The following MYO5B variants were observed in gnomAD, a reference collection of about 807,000 sequenced individuals.
The protein encoded by MYO5B is myosin VB, also known as unconventional myosin-Vb.
A neutral mutation model predicts 229.3 loss-of-function variants in MYO5B; 143 were observed. That is an observed-to-expected ratio of 0.62 (90% CI 0.54 to 0.72). MYO5B has a LOEUF of 0.72. MYO5B is among the 30% of genes least tolerant of loss of function. The probability of loss-of-function intolerance (pLI) is 0.00; values close to 1 mark genes in which losing one functional copy is unlikely to be tolerated. For synonymous variants in MYO5B, 918 were observed against 885.2 expected, an observed-to-expected ratio of 1.04 and a Z score of -0.66; for missense variants, 2,321 against 2,331.0, an observed-to-expected ratio of 1.00 and a Z score of 0.09.
At chr18:50,087,324 C>A (rs2031350878) in intron 1 of MYO5B, among the ~76,000 whole-genome samples, 1 of 152,172 alleles carries the variant, frequency 6.6e-6, no homozygotes. Flanking sequence ...GTAATCCCAG[C>A]ATTTTGGGAG....
chr18:49,870,988 G>T (rs1568618949), intron 27 of MYO5B, among the ~76,000 whole-genome samples: 1 of 152,304 alleles, frequency 6.6e-6, no homozygotes, highest in East Asian at 1.9e-4. Context: ...AGAGATACTT[G>T]TATATCCATG....
chr18:49,977,209 C>T (rs4939924), intron 9 of MYO5B, among the ~76,000 whole-genome samples: 81,254 of 151,970 alleles, frequency 0.53, 24,278 homozygotes, highest in Non-Finnish European at 0.67. Context: ...GATTTAACAT[C>T]GTACAATTAC....
At position 50,047,341 on chromosome 18, in the gene MYO5B, G is replaced by A. The variant is rs188151849; in HGVS notation, c.139-7027C>T. On this transcript the variant is annotated intron_variant, in intron 2 of 39. Coordinates refer to ENST00000285039, the MANE Select transcript of MYO5B (RefSeq NM_001080467.3). ...GCAACCAAAAAACACATGAAAAGATGCTCACCATCACTGGCCATCAGAGAA... is the reference window on the plus strand; with the variant it reads ...GCAACCAAAAAACACATGAAAAGATACTCACCATCACTGGCCATCAGAGAA... 9.5e-4 allele frequency among the ~76,000 whole-genome samples: 145 copies of A among 152,342 alleles called. 1 individual carries two copies. The Middle Eastern group carries it at 0.014, about 14-fold the overall frequency.
intron 1 of MYO5B, among the ~76,000 whole-genome samples, chr18:50,074,186 A>C (rs1290114760): frequency 6.6e-6 from 1 of 152,216 alleles, no homozygotes; most frequent in Non-Finnish European, 1.5e-5. Flanking sequence ...AAGCAAAAGC[A>C]GAAAACCTTG....
At chr18:49,919,094 A>C (rs2025048059) in intron 17 of MYO5B, among the ~76,000 whole-genome samples, 1 of 152,238 alleles carries the variant, frequency 6.6e-6, no homozygotes, top group South Asian at 2.1e-4. Context: ...GCCTTCCTCA[A>C]TGGTCAATGT....
intron 12 of MYO5B, 96 bp from the exon 13 acceptor site, chr18:49,954,531 G>A (rs1283854978): frequency 1.3e-6 from 2 of 1,504,302 alleles, no homozygotes; most frequent in African/African-American, 1.4e-5. Context: ...CTGGCTCTGT[G>A]AAGGTTGATT....
chr18:50,183,323 ATATATATATATATATC>A (rs950322396), intron 1 of MYO5B, among the ~76,000 whole-genome samples: 9 of 138,830 alleles, frequency 6.5e-5, no homozygotes, highest in Non-Finnish European at 9.2e-5. Context: ...ATATATATAT[ATATATATATATATATC>A]TCCTTCAATA....
chr18:50,033,625 G>C (rs2026414988), intron 4 of MYO5B, among the ~76,000 whole-genome samples: 1 of 152,148 alleles, frequency 6.6e-6, no homozygotes, highest in Non-Finnish European at 1.5e-5. Context: ...AAAAATGAGT[G>C]AGTGGGCCTT....
chr18:49,936,350 C>A lies in MYO5B; in HGVS notation c.1906-1G>T. On this transcript the variant is annotated splice_acceptor_variant, in intron 15 of 39. Coordinates refer to ENST00000285039, the MANE Select transcript of MYO5B (RefSeq NM_001080467.3). LOFTEE classifies it high-confidence loss of function. The stretch of plus-strand genomic sequence containing the variant: ...TGAGCAGATGCAGGGAGGTACGGAA[C>A]TAGAGAGACAAAAGCCAGTGCTTGG... 2 of 1,587,360 alleles carry A rather than the reference C, an allele frequency of 1.3e-6. No individual in the cohort carries two copies. The highest frequency in any genetic ancestry group is 1.7e-6 in the Non-Finnish European group (2 of 1,164,398).
intron 27 of MYO5B, among the ~76,000 whole-genome samples, chr18:49,869,975 T>C (rs575496009): frequency 1.3e-5 from 2 of 152,330 alleles, no homozygotes; most frequent in South Asian, 2.1e-4. Context: ...ATAGTTCACA[T>C]GCTCATTTTC....
At position 49,826,443 on chromosome 18, in the gene MYO5B, A is replaced by T. The variant is rs2023846868; in HGVS notation, c.*28T>A. On this transcript the variant is annotated 3_prime_UTR_variant, in exon 40 of 40. Transcript: ENST00000285039. ...TACTTCCTTCTTGCTCACATTGGGA[A>T]TCAAACTAATGCTGGAAACATGCAT... 1 of 1,612,968 alleles carries T rather than the reference A, an allele frequency of 6.2e-7. No individual in the cohort carries two copies. The highest frequency in any genetic ancestry group is 1.3e-5 in the African/African-American group (1 of 74,908).
In MYO5B at chr18:49,974,576, CT is replaced by C; in HGVS notation, c.1095del (p.Val367TrpfsTer31). The C allele has an allele frequency of 6.2e-7, 1 of 1,614,134 alleles. No homozygotes were observed. The highest frequency in any genetic ancestry group is 8.5e-7 in the Non-Finnish European group (1 of 1,179,988). ...TGCTCCATCTGACTGTGCTCCACCC[CT>C]AGCAGTCGGCAGAAGTTGCTTAGGT... is the stretch of plus-strand genomic sequence containing the variant. ...DVYLSNFCRL[L>X]GVEHSQMEHW... On this transcript the variant is annotated frameshift_variant, in exon 10 of 40. Coordinates refer to ENST00000285039, the MANE Select transcript of MYO5B (RefSeq NM_001080467.3). LOFTEE classifies it high-confidence loss of function.
chr18:50,039,912 G>C (rs2029959435), intron 3 of MYO5B, among the ~76,000 whole-genome samples: 1 of 152,116 alleles, frequency 6.6e-6, no homozygotes, highest in African/African-American at 2.4e-5. Context: ...GCACCACATG[G>C]TGTGACCCAT....
At chr18:50,081,275 C>T (rs1420572365) in intron 1 of MYO5B, among the ~76,000 whole-genome samples, 1 of 152,190 alleles carries the variant, frequency 6.6e-6, no homozygotes, top group African/African-American at 2.4e-5. Context: ...CAAAGATGAC[C>T]TGTTCCCAGA....
intron 21 of MYO5B, among the ~76,000 whole-genome samples, chr18:49,901,224 A>G (rs1349659022): frequency 6.6e-6 from 1 of 152,242 alleles, no homozygotes; most frequent in Non-Finnish European, 1.5e-5. Flanking sequence ...CAAGGCCAGC[A>G]AAGCACCTGA....
intron 39 of MYO5B, among the ~76,000 whole-genome samples, chr18:49,833,024 A>G (rs1310972583): frequency 6.6e-6 from 1 of 152,212 alleles, no homozygotes; most frequent in Non-Finnish European, 1.5e-5. Flanking sequence ...TCATCTTTGT[A>G]GCACTTAAGG....
intron 17 of MYO5B, among the ~76,000 whole-genome samples, chr18:49,919,655 A>T (rs1475665619): frequency 6.6e-6 from 1 of 152,214 alleles, no homozygotes; most frequent in Non-Finnish European, 1.5e-5. Flanking sequence ...GCTATAATGA[A>T]AAGGACAGAC....
intron 17 of MYO5B, among the ~76,000 whole-genome samples, chr18:49,918,092 T>C (rs967284381): frequency 3.9e-5 from 6 of 152,204 alleles, no homozygotes; most frequent in African/African-American, 1.2e-4. Context: ...CTGCTAAGAA[T>C]GGTGCAGGAA....
chr18:49,953,017 C>G lies in MYO5B; in HGVS notation c.1752+243G>C, dbSNP rs181135653. ...ATCTTTCCCAGTTTTCTCCCCCTACCCCTACACTCCTTGCTTTCTTCCCTC... is the reference window on the plus strand; with the variant it reads ...ATCTTTCCCAGTTTTCTCCCCCTACGCCTACACTCCTTGCTTTCTTCCCTC... On this transcript the variant is annotated intron_variant, in intron 14 of 39. Transcript: ENST00000285039. Among the ~76,000 whole-genome samples the G allele has an allele frequency of 2.5e-3, 387 of 152,164 alleles. 1 individual carries two copies. Among genetic ancestry groups the G allele is most frequent in the African/African-American group, 8.6e-3 (359 of 41,514 alleles).
Sources: allele counts gnomAD v4.1 joint callset (sites outside exome capture counted in the v4.1 genomes callset), GRCh38; gene constraint gnomAD v4.1.1; transcripts MANE v1.5; gene names NCBI Gene and HGNC (gene_info 2026-07-23, HGNC 2026-07-21).